Variants in ZNF165 observed in about 807,000 individuals in gnomAD.
The protein encoded by ZNF165 is cancer/testis antigen 53.
A neutral mutation model predicts 19.6 loss-of-function variants in ZNF165; 14 were observed. The observed-to-expected ratio is 0.71, with a 90% confidence interval of 0.47 to 1.12. The LOEUF is 1.12. Among genes scored for constraint, ZNF165 ranks in the 50% most tolerant of loss-of-function variants. The probability of loss-of-function intolerance (pLI) is 0.00; values close to 1 mark genes in which losing one functional copy is unlikely to be tolerated. For missense variants in ZNF165, 504 were observed against 566.3 expected (o/e 0.89, Z 1.12); for synonymous variants, 165 against 195.0 (o/e 0.85, Z 1.28).
rs1422644258 is a variant in ZNF165, at chr6:28,085,815, A to G, written c.335A>G (p.His112Arg). ...GATTTGCAGGCCTGGGTACATGAAC[A>G]TTACCCAGAGAGTGGAGAGGAGGCA... Reference protein sequence around the residue: ...PGDLQAWVHEHYPESGEEAVT... With the variant: ...PGDLQAWVHERYPESGEEAVT... Residue 112 changes from histidine to arginine, a missense_variant, in exon 2 of 4, where the codon CAT becomes CGT. Transcript: ENST00000683778. 3.7e-6 allele frequency: 6 copies of G among 1,613,688 alleles called. No individual in the cohort carries two copies. The highest frequency in any genetic ancestry group is 1.3e-5 in the African/African-American group (1 of 74,928).
chr6:28,088,620 A>T lies in ZNF165; in HGVS notation c.608A>T (p.Glu203Val). 1.2e-6 allele frequency: 2 copies of T among 1,611,864 alleles called. No individual in the cohort carries two copies. The highest frequency in any genetic ancestry group is 1.7e-6 in the Non-Finnish European group (2 of 1,179,464). Residue 203 changes from glutamate to valine, a missense_variant, in exon 4 of 4, where the codon GAA becomes GTA. Transcript: ENST00000683778. Reference sequence around the variant, plus strand: ...AAGCTGGAAATTTTTGAAAAAATTGAATCACAGAGAATTATATCTGGAAGA... The same window carrying T: ...AAGCTGGAAATTTTTGAAAAAATTGTATCACAGAGAATTATATCTGGAAGA... ...MPKLEIFEKI[E>V]SQRIISGRIS...
Position 28,089,484 on chromosome 6 carries a change from G to A in ZNF165, c.*14G>A, listed in dbSNP as rs755248349. On this transcript the variant is annotated 3_prime_UTR_variant, in exon 4 of 4. Transcript: ENST00000683778. ...CTATTAATGTAAGGAACTTAAATTT[G>A]TAAGTAAATGCTGAGGAAATGGCAC... The A allele has an allele frequency of 2.1e-5, 33 of 1,542,098 alleles. No homozygotes were observed. Among genetic ancestry groups the A allele is most frequent in the Non-Finnish European group, 2.9e-5 (33 of 1,144,666 alleles).
chr6:28,083,974 C>G (rs1404434082), intron 1 of ZNF165, among the ~76,000 whole-genome samples: 1 of 152,198 alleles, frequency 6.6e-6, no homozygotes, highest in Non-Finnish European at 1.5e-5. Flanking sequence ...TTTATAATTT[C>G]TTCCCAACTA....
intron 3 of ZNF165, among the ~76,000 whole-genome samples, chr6:28,087,187 T>C (rs932539114): frequency 2.6e-5 from 4 of 152,182 alleles, no homozygotes; most frequent in African/African-American, 9.7e-5. Context: ...AAGGTGTGAA[T>C]TGTCCCTATA....
chr6:28,086,198 A>T lies in ZNF165; in HGVS notation c.438A>T (p.Glu146Asp), dbSNP rs202004589. The change falls in exon 3 of 4, where the codon GAA becomes GAT. Residue 146 changes from glutamate to aspartate, a missense_variant. Transcript: ENST00000683778. ...TTCAAGCCCATGAACATGGACAAGAAATATTCCAGAAAAAAGTGTCACCTC... is the reference window on the plus strand; with the variant it reads ...TTCAAGCCCATGAACATGGACAAGATATATTCCAGAAAAAAGTGTCACCTC... ...LQVQAHEHGQ[E>D]IFQKKVSPPG... 6.8e-6 allele frequency: 11 copies of T among 1,614,196 alleles called. No individual in the cohort carries two copies. Among genetic ancestry groups the T allele is most frequent in the Non-Finnish European group, 9.3e-6 (11 of 1,180,018 alleles).
chr6:28,087,918 A>C (rs1764316089), intron 3 of ZNF165, among the ~76,000 whole-genome samples: 2 of 152,226 alleles, frequency 1.3e-5, no homozygotes, highest in Non-Finnish European at 2.9e-5. Context: ...GAAGAAGAAA[A>C]GTGCAGAGTC....
chr6:28,083,746 G>A (rs1764207735), intron 1 of ZNF165, among the ~76,000 whole-genome samples: 1 of 152,124 alleles, frequency 6.6e-6, no homozygotes, highest in Non-Finnish European at 1.5e-5. Context: ...ATGTTCGAGT[G>A]CTATTTCTTT....
At chr6:28,085,433 A>G in intron 1 of ZNF165, 48 bp from the exon 2 acceptor site, 1 of 1,570,314 alleles carries the variant, frequency 6.4e-7, no homozygotes, top group South Asian at 1.2e-5. Context: ...TCTTGAAACT[A>G]AAGAAGACCC....
chr6:28,088,488 AC>A (rs1764340507), intron 3 of ZNF165, 74 bp from the exon 4 acceptor site: 2 of 1,260,572 alleles, frequency 1.6e-6, no homozygotes, highest in Admixed American at 2.3e-5. Flanking sequence ...TCAATATGTA[AC>A]TATCTTGAGC....
intron 1 of ZNF165, chr6:28,081,242 C>G (rs1764148296): frequency 6.6e-6 from 1 of 152,266 alleles, no homozygotes; most frequent in Non-Finnish European, 1.5e-5. Context: ...TGGGGGCTGT[C>G]CTACTGATCC....
intron 3 of ZNF165, among the ~76,000 whole-genome samples, chr6:28,087,457 G>C (rs561064130): frequency 6.6e-6 from 1 of 152,140 alleles, no homozygotes; most frequent in Non-Finnish European, 1.5e-5. Flanking sequence ...TGTTGGCCAG[G>C]CTGGTCTCAA....
At chr6:28,087,422 T>G (rs1764302104) in intron 3 of ZNF165, among the ~76,000 whole-genome samples, 1 of 152,170 alleles carries the variant, frequency 6.6e-6, no homozygotes. Flanking sequence ...ATTTTTGTAT[T>G]TTTAGTAGAG....
At chr6:28,084,583 TGGGAGG>T (rs1764226879) in intron 1 of ZNF165, among the ~76,000 whole-genome samples, 1 of 152,052 alleles carries the variant, frequency 6.6e-6, no homozygotes, top group South Asian at 2.1e-4. Context: ...CACTTGAACC[TGGGAGG>T]CGGAGGTTGC....
rs1764373927 is a variant in ZNF165, at chr6:28,089,217, G to A, written c.1205G>A (p.Cys402Tyr). Residue 402 changes from cysteine (C) to tyrosine (Y), a missense_variant, in exon 4 of 4, where the codon TGC (cysteine) becomes TAC (tyrosine). Coordinates refer to ENST00000683778, the MANE Select transcript of ZNF165 (RefSeq NM_001376491.1). ...CACACTGGGGAAAGACCCTTTGGTT[G>A]CAAAGAATGTGGGAGAGCATTCAAC... ...RIHTGERPFG[C>Y]KECGRAFNLN... The A allele has an allele frequency of 6.2e-7, 1 of 1,614,216 alleles. No homozygotes were observed. Among genetic ancestry groups the A allele is most frequent in the Non-Finnish European group, 8.5e-7 (1 of 1,180,042 alleles).
Position 28,088,796 on chromosome 6 carries a change from A to G in ZNF165, c.784A>G (p.Lys262Glu). Residue 262 changes from lysine to glutamate, a missense_variant, in exon 4 of 4, where the codon AAA (lysine) becomes GAA (glutamate). Coordinates refer to ENST00000683778, the MANE Select transcript of ZNF165 (RefSeq NM_001376491.1). ...AGGTTTTGGTAAAATCCTCACCCAC[A>G]AAAATACAGTCAGAGGTGAAATAAT... ...DEGFGKILTH[K>E]NTVRGEIISH... The G allele has an allele frequency of 6.2e-7, 1 of 1,614,178 alleles. No individual in the cohort carries two copies. The highest frequency in any genetic ancestry group is 2.2e-5 in the East Asian group (1 of 44,876).
At chr6:28,083,384 A>G (rs573552044) in intron 1 of ZNF165, among the ~76,000 whole-genome samples, 46 of 152,196 alleles carry the variant, frequency 3.0e-4, no homozygotes, top group Non-Finnish European at 5.0e-4. Flanking sequence ...ACCAGTTCCA[A>G]TCAGTAGTTC....
Position 28,089,107 on chromosome 6 carries a change from C to T in ZNF165, c.1095C>T (p.Ile365=). 1 of 1,614,094 alleles carries T rather than the reference C, an allele frequency of 6.2e-7. No homozygotes were observed. The highest frequency in any genetic ancestry group is 8.5e-7 in the Non-Finnish European group (1 of 1,179,972). The change falls in exon 4 of 4, where the codon ATC becomes ATT. Residue 365 remains isoleucine (I), a synonymous_variant. Transcript: ENST00000683778. ...HSSKLARHQR[I]HTGERCYECN... is the part of the protein sequence containing the mutation. The stretch of plus-strand genomic sequence containing the variant: ...CAAAACTTGCTAGGCATCAGAGAAT[C>T]CACACTGGAGAGAGATGCTATGAAT...
Position 28,085,782 on chromosome 6 carries a change from T to C in ZNF165, c.302T>C (p.Leu101Pro). The C allele has an allele frequency of 6.2e-7, 1 of 1,613,796 alleles. No homozygotes were observed. The highest frequency in any genetic ancestry group is 8.5e-7 in the Non-Finnish European group (1 of 1,180,048). The change falls in exon 2 of 4, where the codon CTG becomes CCG. Residue 101 changes from leucine to proline, a missense_variant. Leu to Pro is a moderately conservative substitution (Grantham distance 98, BLOSUM62 -3). Transcript: ENST00000683778. ...GTGCTAGAGCAGTTCCTGACCATCC[T>C]GCCAGGAGATTTGCAGGCCTGGGTA... is the stretch of plus-strand genomic sequence containing the variant. The part of the protein sequence containing the change: ...LLVLEQFLTI[L>P]PGDLQAWVHE...
chr6:28,084,229 G>A (rs1434250549), intron 1 of ZNF165, among the ~76,000 whole-genome samples: 1 of 152,214 alleles, frequency 6.6e-6, no homozygotes, highest in African/African-American at 2.4e-5. Flanking sequence ...AGCAAGCCCA[G>A]TGTCATATTC....
Sources: allele counts gnomAD v4.1 joint callset (sites outside exome capture counted in the v4.1 genomes callset), GRCh38; gene constraint gnomAD v4.1.1; transcripts MANE v1.5; gene names NCBI Gene and HGNC (gene_info 2026-07-23, HGNC 2026-07-21).